Variants in ATP6V0D1 observed in about 807,000 individuals in gnomAD.
ATP6V0D1 encodes the protein ATPase H+ transporting V0 subunit d1.
Under a neutral mutation model 39.0 loss-of-function variants are expected in ATP6V0D1, and 13 were observed. The observed-to-expected ratio is 0.33, with a 90% CI of 0.22 to 0.53. ATP6V0D1 has a LOEUF of 0.53. ATP6V0D1 is among the 20% of genes least tolerant of loss of function. The probability of loss-of-function intolerance (pLI) is 0.94; values close to 1 mark genes in which losing one functional copy is unlikely to be tolerated. For synonymous variants in ATP6V0D1, 191 were observed against 191.2 expected, an observed-to-expected ratio of 1.00 and a Z score of 0.01; for missense variants, 272 against 470.9, an observed-to-expected ratio of 0.58 and a Z score of 3.91.
chr16:67,446,078 T>C (rs1327853390), intron 2 of ATP6V0D1: 4 of 396,750 alleles, frequency 1.0e-5, no homozygotes, highest in African/African-American at 8.3e-5. Context: ...TGACAGGACC[T>C]TGTGCAACTA....
At chr16:67,473,985 T>A (rs1305040021) in intron 1 of ATP6V0D1, among the ~76,000 whole-genome samples, 1 of 152,102 alleles carries the variant, frequency 6.6e-6, no homozygotes, top group East Asian at 1.9e-4. Flanking sequence ...ACCCCAAAAA[T>A]AAAGCCCATA....
Position 67,439,220 on chromosome 16 carries a change from C to T in ATP6V0D1, c.639+54G>A. On this transcript the variant is annotated intron_variant, in intron 5 of 7. Transcript: ENST00000290949. ...AGTAGCCAGTCAGTTGGCAGAGCCTCCCCAGGCCAGGGCTAGCGGGCACCA... is the reference window on the plus strand; with the variant it reads ...AGTAGCCAGTCAGTTGGCAGAGCCTTCCCAGGCCAGGGCTAGCGGGCACCA... 4 of 1,613,840 alleles carry T rather than the reference C, an allele frequency of 2.5e-6. No individual in the cohort carries two copies. In the South Asian group the frequency reaches 3.3e-5, roughly 13 times the overall value.
chr16:67,474,330 C>T (rs968961088), intron 1 of ATP6V0D1, among the ~76,000 whole-genome samples: 21 of 152,190 alleles, frequency 1.4e-4, no homozygotes, highest in Admixed American at 9.8e-4. Context: ...TCCAAGGTCA[C>T]AAAACCAGTT....
chr16:67,467,732 A>G (rs1449979867), intron 1 of ATP6V0D1, among the ~76,000 whole-genome samples: 1 of 152,216 alleles, frequency 6.6e-6, no homozygotes, highest in Non-Finnish European at 1.5e-5. Flanking sequence ...CTGGCAACCC[A>G]TAGGGGCACT....
At chr16:67,455,505 T>G (rs555111260) in intron 1 of ATP6V0D1, 2 of 152,038 alleles carry the variant, frequency 1.3e-5, no homozygotes, top group South Asian at 4.2e-4. Context: ...ACTCATGGAG[T>G]GAACTTCAAC....
intron 1 of ATP6V0D1, chr16:67,455,339 CAGG>C (rs764359093): frequency 6.6e-5 from 10 of 152,326 alleles, no homozygotes; most frequent in Admixed American, 3.3e-4. Flanking sequence ...TGTACTCCAT[CAGG>C]AGAAGACAGC....
In ATP6V0D1 at chr16:67,444,949, G is replaced by A. The variant is rs988986753; in HGVS notation, c.303-243C>T. On this transcript the variant is annotated intron_variant, in intron 2 of 7. Transcript: ENST00000290949. The surrounding 1 kb of genome is among the most constrained non-coding windows in gnomAD (Gnocchi z 4.8). ...GCCCCCCAAACGGGCGGGGGCAGGG[G>A]ATTCATGCCCTGTGAGGGACTGGGA... Among the ~76,000 whole-genome samples the A allele has an allele frequency of 5.9e-5, 9 of 152,332 alleles. No homozygotes were observed. Among genetic ancestry groups the A allele is most frequent in the Middle Eastern group, 3.4e-3 (1 of 294 alleles).
intron 1 of ATP6V0D1, among the ~76,000 whole-genome samples, chr16:67,474,826 C>T (rs1339556559): frequency 6.6e-6 from 1 of 152,214 alleles, no homozygotes; most frequent in Non-Finnish European, 1.5e-5. Flanking sequence ...CATCTTCTCA[C>T]TTCTACAACG....
rs183554118 is a variant in ATP6V0D1, at chr16:67,466,118, C to T, written c.131-12403G>A. 4.1e-4 allele frequency among the ~76,000 whole-genome samples: 62 copies of T among 152,266 alleles called. 1 individual carries two copies. The highest frequency in any genetic ancestry group is 8.1e-4 in the Non-Finnish European group (55 of 68,014). The stretch of plus-strand genomic sequence containing the variant: ...TGCCTCAGACTCCTGGTCAGCATCT[C>T]CCAGTCATCAACCTCTGAGGGAGTG... On this transcript the variant is annotated intron_variant, in intron 1 of 7. Transcript: ENST00000290949.
At position 67,481,139 on chromosome 16, in the gene ATP6V0D1, G is replaced by A; in HGVS notation, c.-53C>T. The A allele has an allele frequency of 6.2e-7, 1 of 1,609,434 alleles. No homozygotes were observed. ...GAACCAGGACCGGCCGGCACGAATC[G>A]CGACTCCCCAGGTCAGCTGACGCTG... On this transcript the variant is annotated 5_prime_UTR_variant, in exon 1 of 8. Transcript: ENST00000290949.
intron 3 of ATP6V0D1, 33 bp from the exon 4 acceptor site, chr16:67,443,211 G>T: frequency 6.2e-7 from 1 of 1,608,796 alleles, no homozygotes; most frequent in Non-Finnish European, 8.5e-7. Context: ...GGGGTGGGCA[G>T]GTGGCCTAGG....
rs889232939 is a variant in ATP6V0D1, at chr16:67,480,994, G to A, written c.93C>T (p.Ala31=). 5 of 1,614,042 alleles carry A rather than the reference G, an allele frequency of 3.1e-6. No homozygotes were observed. Among genetic ancestry groups the A allele is most frequent in the Non-Finnish European group, 4.2e-6 (5 of 1,180,006 alleles). Residue 31 remains alanine (A), a synonymous_variant, in exon 1 of 8, where the codon GCC becomes GCT. Transcript: ENST00000290949. ...CGCACTGCACCAGGTTGAGGTAGTC[G>A]GCCTGGCTGAGCACCCCGGCCTTCA... is the stretch of plus-strand genomic sequence containing the variant. ...RGLKAGVLSQ[A]DYLNLVQCET...
In ATP6V0D1 at chr16:67,481,141, G is replaced by C. The variant is rs373258837; in HGVS notation, c.-55C>G. 2.5e-6 allele frequency: 4 copies of C among 1,608,724 alleles called. No homozygotes were observed. The African/African-American group carries it at 4.0e-5, about 16-fold the overall frequency. On this transcript the variant is annotated 5_prime_UTR_variant, in exon 1 of 8. Transcript: ENST00000290949. ...ACCAGGACCGGCCGGCACGAATCGC[G>C]ACTCCCCAGGTCAGCTGACGCTGCG...
intron 2 of ATP6V0D1, chr16:67,452,157 C>A: frequency 6.7e-7 from 1 of 1,481,616 alleles, no homozygotes; most frequent in Non-Finnish European, 9.0e-7. Context: ...AGATGGGGAG[C>A]TGCAATGTGA....
Position 67,459,405 on chromosome 16 carries a change from G to A in ATP6V0D1, c.131-5690C>T, listed in dbSNP as rs1018499878. On this transcript the variant is annotated intron_variant, in intron 1 of 7. Transcript: ENST00000290949. ...GCAGCTGAGGTCTTTGAAGAGGCCT[G>A]GGAAGGCTGCAGCCCAAGACCCACC... Among the ~76,000 whole-genome samples, 4 of 152,180 alleles carry A rather than the reference G, an allele frequency of 2.6e-5. No homozygotes were observed. In the South Asian group the frequency reaches 8.3e-4, roughly 32 times the overall value.
intron 7 of ATP6V0D1, 24 bp from the exon 8 acceptor site, chr16:67,438,713 G>A: frequency 1.2e-6 from 2 of 1,614,202 alleles, no homozygotes; most frequent in South Asian, 1.1e-5. Context: ...CAGATGTGGT[G>A]TCCAGGTGGC....
At chr16:67,451,067 A>G (rs2041174172) in intron 2 of ATP6V0D1, among the ~76,000 whole-genome samples, 2 of 152,162 alleles carry the variant, frequency 1.3e-5, no homozygotes, top group Admixed American at 6.5e-5. Flanking sequence ...GGTGCTGAGT[A>G]GGTAGAGCCA....
intron 4 of ATP6V0D1, among the ~76,000 whole-genome samples, chr16:67,442,084 T>G (rs1044228122): frequency 3.3e-5 from 5 of 152,288 alleles, no homozygotes; most frequent in Admixed American, 1.3e-4. Flanking sequence ...CTCTATGCTT[T>G]CCTTCTGCAC....
chr16:67,477,595 T>C (rs1221320246), intron 1 of ATP6V0D1, among the ~76,000 whole-genome samples: 17 of 152,226 alleles, frequency 1.1e-4, no homozygotes, highest in Admixed American at 1.1e-3. Flanking sequence ...ATGATTGTTG[T>C]AGTTAGATGA....
Sources: allele counts gnomAD v4.1 joint callset (sites outside exome capture counted in the v4.1 genomes callset), GRCh38; gene constraint gnomAD v4.1.1; non-coding constraint Gnocchi (gnomAD v3.1); transcripts MANE v1.5; gene names NCBI Gene and HGNC (gene_info 2026-07-23, HGNC 2026-07-21).